The following RABGAP1L variants were observed in gnomAD, a reference collection of about 807,000 sequenced individuals.
RABGAP1L encodes the protein RAB GTPase activating protein 1 like.
A neutral mutation model predicts 137.7 loss-of-function variants in RABGAP1L; 63 were observed. That is an observed-to-expected ratio of 0.46 (90% CI 0.37 to 0.56). The LOEUF is 0.56. Ranked by LOEUF, RABGAP1L falls within the 20% of genes least tolerant of loss-of-function variation. The pLI is 0.00. For missense variants in RABGAP1L, 1,095 were observed against 1,244.0 expected (o/e 0.88, Z 1.80); for synonymous variants, 431 against 433.7 (o/e 0.99, Z 0.08).
chr1:174,545,756 G>T, intron 13 of RABGAP1L: 1 of 152,232 alleles, frequency 6.6e-6, no homozygotes, highest in Non-Finnish European at 1.5e-5. Context: ...CACTCTTCCT[G>T]TTGCTGCCTA....
intron 15 of RABGAP1L, among the ~76,000 whole-genome samples, chr1:174,687,416 T>C (rs1283724028): frequency 1.3e-5 from 2 of 152,192 alleles, no homozygotes; most frequent in African/African-American, 4.8e-5. Flanking sequence ...TAAGGAACAA[T>C]GAACTGATAT....
intron 13 of RABGAP1L, among the ~76,000 whole-genome samples, chr1:174,539,199 T>C (rs969750483): frequency 2.6e-5 from 4 of 152,168 alleles, no homozygotes; most frequent in Admixed American, 2.6e-4. Flanking sequence ...ATAGGCTTAG[T>C]TGGAGGTTAA....
chr1:174,879,826 C>T (rs1653855037), intron 19 of RABGAP1L, among the ~76,000 whole-genome samples: 1 of 152,088 alleles, frequency 6.6e-6, no homozygotes, highest in South Asian at 2.1e-4. Flanking sequence ...GTGTGGTGGA[C>T]CACTCCTGTA....
At chr1:174,256,779 CAACAAAACAA>C (rs544196363) in intron 7 of RABGAP1L, among the ~76,000 whole-genome samples, 4 of 152,234 alleles carry the variant, frequency 2.6e-5, no homozygotes, top group Non-Finnish European at 5.9e-5. Context: ...GACTCCGTCT[CAACAAAACAA>C]AACAAAACAA....
intron 24 of RABGAP1L, among the ~76,000 whole-genome samples, chr1:174,986,313 C>A (rs1192032662): frequency 2.6e-5 from 4 of 152,132 alleles, no homozygotes; most frequent in Non-Finnish European, 4.4e-5. Flanking sequence ...GAATTTTAGT[C>A]CAAAAGGAGA....
chr1:174,910,537 G>GT (rs1558222012), intron 19 of RABGAP1L, among the ~76,000 whole-genome samples: 1 of 151,912 alleles, frequency 6.6e-6, no homozygotes, highest in African/African-American at 2.4e-5. Context: ...TTTTTTCAAC[G>GT]TAACAGTGGA....
intron 14 of RABGAP1L, among the ~76,000 whole-genome samples, chr1:174,660,733 G>T (rs985176257): frequency 6.6e-6 from 1 of 152,144 alleles, no homozygotes; most frequent in Non-Finnish European, 1.5e-5. Flanking sequence ...ACTTATCCAA[G>T]AAATCTACAT....
At chr1:174,683,425 C>G (rs1678232891) in intron 14 of RABGAP1L, 97 bp from the exon 15 acceptor site, 1 of 921,410 alleles carries the variant, frequency 1.1e-6, no homozygotes, top group Admixed American at 2.1e-5. Context: ...GGTTGACAGC[C>G]CAGGGACAGG....
At chr1:174,539,538 C>T (rs761797548) in intron 13 of RABGAP1L, among the ~76,000 whole-genome samples, 35 of 152,128 alleles carry the variant, frequency 2.3e-4, no homozygotes, top group Admixed American at 1.2e-3. Context: ...TGAGAACATG[C>T]GGTGTTTGGT....
chr1:174,370,025 A>T (rs1245452606), intron 11 of RABGAP1L, among the ~76,000 whole-genome samples: 1 of 152,226 alleles, frequency 6.6e-6, no homozygotes. Flanking sequence ...GATGTTGCAT[A>T]TACTTGGATC....
chr1:174,268,671 C>G (rs1455878077), intron 7 of RABGAP1L, among the ~76,000 whole-genome samples: 1 of 152,036 alleles, frequency 6.6e-6, no homozygotes, highest in African/African-American at 2.4e-5. Flanking sequence ...TATTGCAGGA[C>G]ATTAATACAA....
chr1:174,215,689 G>A (rs1048797805), intron 1 of RABGAP1L, among the ~76,000 whole-genome samples: 4 of 152,142 alleles, frequency 2.6e-5, no homozygotes, highest in African/African-American at 7.2e-5. Flanking sequence ...TAGTGAGGAT[G>A]TGGAGAAAAG....
chr1:174,645,059 TA>T (rs1297617140), intron 14 of RABGAP1L, among the ~76,000 whole-genome samples: 1 of 152,130 alleles, frequency 6.6e-6, no homozygotes, highest in Non-Finnish European at 1.5e-5. Context: ...AAGAAGATTT[TA>T]GATGCTCTTG....
chr1:174,696,488 C>T (rs1012365185), intron 15 of RABGAP1L, among the ~76,000 whole-genome samples: 7 of 152,098 alleles, frequency 4.6e-5, no homozygotes, highest in African/African-American at 7.2e-5. Context: ...CAGGACTTGC[C>T]GGAAGATTGT....
At chr1:174,858,501 C>A (rs1048364209) in intron 19 of RABGAP1L, among the ~76,000 whole-genome samples, 1 of 152,084 alleles carries the variant, frequency 6.6e-6, no homozygotes. Flanking sequence ...GGATAGCTCC[C>A]CACAACAAAG....
At chr1:174,438,711 C>G (rs1348386576) in intron 13 of RABGAP1L, among the ~76,000 whole-genome samples, 3 of 128,424 alleles carry the variant, frequency 2.3e-5, no homozygotes, top group Admixed American at 2.3e-4. Context: ...CAGCAAGACT[C>G]TGTCAAAAAA....
At chr1:174,633,434 A>G (rs1354406253) in intron 13 of RABGAP1L, among the ~76,000 whole-genome samples, 1 of 151,610 alleles carries the variant, frequency 6.6e-6, no homozygotes, top group Non-Finnish European at 1.5e-5. Flanking sequence ...GGAAGAATCA[A>G]TATCGTGAAA....
intron 18 of RABGAP1L, among the ~76,000 whole-genome samples, chr1:174,802,109 T>C (rs1688812045): frequency 6.6e-6 from 1 of 152,216 alleles, no homozygotes; most frequent in Non-Finnish European, 1.5e-5. Flanking sequence ...AAAAAATTAA[T>C]TAGCAATAAA....
chr1:174,865,582 T>G (rs1651061224), intron 19 of RABGAP1L, among the ~76,000 whole-genome samples: 1 of 152,188 alleles, frequency 6.6e-6, no homozygotes, highest in Non-Finnish European at 1.5e-5. Context: ...TCAGAGATTT[T>G]TTTTTGTTTT....
Sources: gnomAD v4.1 joint callset for allele counts (sites outside exome capture counted in the v4.1 genomes callset) on GRCh38, gnomAD v4.1.1 for gene constraint, MANE v1.5 for transcripts, NCBI Gene and HGNC (gene_info 2026-07-23, HGNC 2026-07-21) for gene names.